The following CSMD3 variants were observed in gnomAD, a reference collection of about 807,000 sequenced individuals.
CSMD3 encodes the protein CUB and sushi domain-containing protein 3.
A neutral mutation model predicts 435.2 loss-of-function variants in CSMD3; 177 were observed. The ratio of observed to expected loss-of-function variants is 0.41; its 90% CI spans 0.36 to 0.46. CSMD3 has a LOEUF of 0.46. Ranked by LOEUF, CSMD3 falls within the 20% of genes least tolerant of loss-of-function variation. CSMD3 has a pLI of 0.34. For missense variants in CSMD3, 4,265 were observed against 4,504.6 expected, an observed-to-expected ratio of 0.95 and a Z score of 1.52; for synonymous variants, 1,656 against 1,520.5, an observed-to-expected ratio of 1.09 and a Z score of -2.07.
At chr8:112,628,271 A>G (rs1834652122) in intron 22 of CSMD3, among the ~76,000 whole-genome samples, 1 of 152,150 alleles carries the variant, frequency 6.6e-6, no homozygotes. Flanking sequence ...TTCCATATAC[A>G]GGTACAGAAT....
At chr8:113,091,101 G>T (rs2089987540) in intron 5 of CSMD3, among the ~76,000 whole-genome samples, 1 of 151,846 alleles carries the variant, frequency 6.6e-6, no homozygotes, top group Non-Finnish European at 1.5e-5. Context: ...CTAGGACTAA[G>T]TAATAGGTTA....
At chr8:112,380,587 A>G in intron 37 of CSMD3, 131 bp from the exon 38 acceptor site, 1 of 630,754 alleles carries the variant, frequency 1.6e-6, no homozygotes. Context: ...TTCAAAAAAA[A>G]TTTAATAGAA....
intron 4 of CSMD3, among the ~76,000 whole-genome samples, chr8:113,117,527 C>A (rs778754088): frequency 7.2e-5 from 11 of 152,164 alleles, no homozygotes; most frequent in Non-Finnish European, 1.2e-4. Flanking sequence ...GTTTGAGTCA[C>A]CACACAGAGT....
chr8:113,019,234 G>T (rs189186344), intron 5 of CSMD3, 55 bp from the exon 6 acceptor site: 1 of 1,163,590 alleles, frequency 8.6e-7, no homozygotes, highest in Non-Finnish European at 1.3e-6. Flanking sequence ...AGCAGTAAAC[G>T]TTTTCACAAA....
At chr8:112,412,637 G>A (rs573525362) in intron 32 of CSMD3, among the ~76,000 whole-genome samples, 1 of 152,132 alleles carries the variant, frequency 6.6e-6, no homozygotes, top group African/African-American at 2.4e-5. Context: ...CTAGAAAAAG[G>A]AAACCAGTAA....
Position 113,243,633 on chromosome 8 carries a change from T to A in CSMD3, c.514+34959A>T, listed in dbSNP as rs912475862. ...ATTTATTTGAATATATACCTATGAC[T>A]AGAATTGCTAGATTATATGGTAACT... On this transcript the variant is annotated intron_variant, in intron 3 of 70. Coordinates refer to ENST00000297405, the MANE Select transcript of CSMD3 (RefSeq NM_198123.2). Among the ~76,000 whole-genome samples, 7 of 152,252 alleles carry A rather than the reference T, an allele frequency of 4.6e-5. 1 individual carries two copies.
intron 5 of CSMD3, among the ~76,000 whole-genome samples, chr8:113,051,822 C>T (rs762560332): frequency 1.3e-5 from 2 of 152,088 alleles, no homozygotes; most frequent in African/African-American, 2.4e-5. Context: ...CAACACCTAA[C>T]CTTCAATGAA....
intron 13 of CSMD3, among the ~76,000 whole-genome samples, chr8:112,713,292 G>T (rs750430385): frequency 2.0e-5 from 3 of 151,948 alleles, no homozygotes; most frequent in Non-Finnish European, 4.4e-5. Context: ...AATTGATTAA[G>T]TGGAAGAAAG....
chr8:112,549,773 C>T (rs540541461), intron 27 of CSMD3, among the ~76,000 whole-genome samples: 3 of 151,964 alleles, frequency 2.0e-5, no homozygotes, highest in Admixed American at 6.6e-5. Context: ...GTTATTCCTA[C>T]GTCAATTAGA....
chr8:112,563,770 T>C (rs1228890103), intron 24 of CSMD3, among the ~76,000 whole-genome samples: 1 of 152,056 alleles, frequency 6.6e-6, no homozygotes, highest in Non-Finnish European at 1.5e-5. Context: ...TTCTGCAAAT[T>C]GTCATCAGTA....
intron 1 of CSMD3, among the ~76,000 whole-genome samples, chr8:113,396,464 G>A (rs573488723): frequency 6.6e-6 from 1 of 152,128 alleles, no homozygotes; most frequent in Admixed American, 6.5e-5. Context: ...ATGTAGATTT[G>A]AGTTTTGACT....
At chr8:112,808,234 T>C (rs565977245) in intron 12 of CSMD3, among the ~76,000 whole-genome samples, 1 of 152,238 alleles carries the variant, frequency 6.6e-6, no homozygotes, top group Non-Finnish European at 1.5e-5. Flanking sequence ...TGGTCTGAAG[T>C]CTTTCCGTCT....
intron 32 of CSMD3, among the ~76,000 whole-genome samples, chr8:112,471,731 A>T (rs1034184040): frequency 2.6e-5 from 4 of 152,204 alleles, no homozygotes; most frequent in Non-Finnish European, 4.4e-5. Flanking sequence ...ATCTCTAATG[A>T]TAAAATCCAT....
chr8:112,901,379 A>G (rs1050761629), intron 10 of CSMD3, among the ~76,000 whole-genome samples: 7 of 151,222 alleles, frequency 4.6e-5, no homozygotes, highest in Non-Finnish European at 1.0e-4. Flanking sequence ...GATTTCACTG[A>G]ACAATCTCCC....
At chr8:112,237,927 G>A (rs529077669) in intron 66 of CSMD3, among the ~76,000 whole-genome samples, 122 of 152,136 alleles carry the variant, frequency 8.0e-4, no homozygotes, top group African/African-American at 2.8e-3. Flanking sequence ...GGTATTTTTA[G>A]AAATTGTCAC....
Position 112,741,779 on chromosome 8 carries a change from T to TAGATAGATAGAGAGA in CSMD3, c.1973-51744_1973-51730dup, listed in dbSNP as rs1353286961. On this transcript the variant is annotated intron_variant, in intron 13 of 70. Coordinates refer to ENST00000297405, the MANE Select transcript of CSMD3 (RefSeq NM_198123.2). ...AGATAAATGATAGATAGATGATAGATAGATAGATAGAGAGAAGATAGATAG... is the reference window on the plus strand; with the variant it reads ...AGATAAATGATAGATAGATGATAGATAGATAGATAGAGAGAAGATAGATAGAGAGAAGATAGATAG... 4.6e-5 allele frequency among the ~76,000 whole-genome samples: 6 copies of TAGATAGATAGAGAGA among 130,788 alleles called. No homozygotes were observed. In the East Asian group the frequency reaches 1.3e-3, roughly 28 times the overall value. The allele number at this position is 130,788 out of a possible 152,430, so 85.8% of individuals were successfully genotyped here.
chr8:113,212,216 T>C lies in CSMD3; in HGVS notation c.515-38300A>G, dbSNP rs1377488658. ...ACATTATAGGCAGATTGGTTCATTA[T>C]TGGTTATCAAAGACAATAGATTAAT... On this transcript the variant is annotated intron_variant, in intron 3 of 70. Transcript: ENST00000297405. Among the ~76,000 whole-genome samples the C allele has an allele frequency of 3.3e-5, 5 of 152,192 alleles. No individual in the cohort carries two copies. The East Asian group carries it at 9.6e-4, about 29-fold the overall frequency.
At chr8:112,879,736 A>C (rs962972944) in intron 10 of CSMD3, among the ~76,000 whole-genome samples, 1 of 152,052 alleles carries the variant, frequency 6.6e-6, no homozygotes, top group Non-Finnish European at 1.5e-5. Context: ...AAGAATCTAC[A>C]TTGAAGTATC....
intron 11 of CSMD3, among the ~76,000 whole-genome samples, chr8:112,833,063 G>T (rs959154532): frequency 6.6e-6 from 1 of 151,988 alleles, no homozygotes; most frequent in African/African-American, 2.4e-5. Flanking sequence ...TTTTATTATT[G>T]CTATAAGATA....
Sources: gnomAD v4.1 joint callset for allele counts (sites outside exome capture counted in the v4.1 genomes callset) on GRCh38, gnomAD v4.1.1 for gene constraint, MANE v1.5 for transcripts, NCBI Gene and HGNC (gene_info 2026-07-23, HGNC 2026-07-21) for gene names.